The following SYN3 variants were observed in gnomAD, a reference collection of about 807,000 sequenced individuals.
SYN3 encodes synapsin III, also known as synapsin-3.
Under a neutral mutation model 65.8 loss-of-function variants are expected in SYN3, and 35 were observed. The ratio of observed to expected loss-of-function variants is 0.53; its 90% CI spans 0.41 to 0.70. SYN3 has a LOEUF of 0.70. SYN3 is among the 30% of genes least tolerant of loss of function. The pLI is 0.00. For synonymous variants in SYN3, 270 were observed against 292.9 expected, an observed-to-expected ratio of 0.92 and a Z score of 0.80; for missense variants, 680 against 749.0, an observed-to-expected ratio of 0.91 and a Z score of 1.08.
At chr22:32,915,335 G>C (rs1164027054) in intron 4 of SYN3, among the ~76,000 whole-genome samples, 2 of 152,208 alleles carry the variant, frequency 1.3e-5, no homozygotes, top group Non-Finnish European at 2.9e-5. Flanking sequence ...TACTAGGGAT[G>C]GAGTGAATTA....
At chr22:32,543,354 G>A (rs16990667) in intron 7 of SYN3, among the ~76,000 whole-genome samples, 2,425 of 152,252 alleles carry the variant, frequency 0.016, 67 homozygotes, top group African/African-American at 0.055. Context: ...TCTGGACTCC[G>A]AAGGCACAGC....
In SYN3 at chr22:32,965,767, T is replaced by C. The variant is rs1041918407; in HGVS notation, c.369+14878A>G. Among the ~76,000 whole-genome samples, 6 of 152,248 alleles carry C rather than the reference T, an allele frequency of 3.9e-5. No homozygotes were observed. In the South Asian group the frequency reaches 1.2e-3, roughly 32 times the overall value. ...CTGAAGTGAGTGGCACGATCTCGGC[T>C]CACTGCAAGCTCCGCCTCCCGGGTT... On this transcript the variant is annotated intron_variant, in intron 3 of 13. Transcript: ENST00000358763.
chr22:32,991,073 C>G (rs1417838119), intron 2 of SYN3, among the ~76,000 whole-genome samples: 1 of 152,050 alleles, frequency 6.6e-6, no homozygotes, highest in East Asian at 1.9e-4. Context: ...GTCCCAGCTA[C>G]TCAGGAGGCT....
intron 6 of SYN3, among the ~76,000 whole-genome samples, chr22:32,619,544 G>A (rs948127908): frequency 2.6e-5 from 4 of 152,312 alleles, no homozygotes; most frequent in Non-Finnish European, 4.4e-5. Context: ...TACACTATGA[G>A]CCCTTAAATC....
chr22:32,578,361 C>T (rs1320869324), intron 7 of SYN3, among the ~76,000 whole-genome samples: 1 of 152,132 alleles, frequency 6.6e-6, no homozygotes, highest in East Asian at 1.9e-4. Flanking sequence ...ATCCTCCCAC[C>T]TCAGCCTCCC....
chr22:32,591,502 G>A (rs150471001), intron 7 of SYN3, among the ~76,000 whole-genome samples: 2 of 152,284 alleles, frequency 1.3e-5, no homozygotes, highest in Non-Finnish European at 1.5e-5. Flanking sequence ...GAAGTTCTGC[G>A]CTAAAAGCTT....
intron 6 of SYN3, among the ~76,000 whole-genome samples, chr22:32,758,788 T>C (rs890826823): frequency 6.7e-5 from 10 of 149,096 alleles, no homozygotes; most frequent in Middle Eastern, 3.4e-3. Context: ...AATTAGGTTC[T>C]AGGCTCAGAT....
intron 6 of SYN3, among the ~76,000 whole-genome samples, chr22:32,821,077 G>A (rs986404548): frequency 1.3e-5 from 2 of 152,060 alleles, no homozygotes; most frequent in Non-Finnish European, 2.9e-5. Flanking sequence ...ATACCCACCG[G>A]TGCAATCTCC....
intron 7 of SYN3, among the ~76,000 whole-genome samples, chr22:32,546,137 C>T (rs1229616018): frequency 6.6e-6 from 1 of 152,102 alleles, no homozygotes; most frequent in Non-Finnish European, 1.5e-5. Flanking sequence ...CATTGTATGA[C>T]ACCTGGGCAA....
rs377715786 is a variant in SYN3 at position 32,533,820 on chromosome 22, G to C, written c.1068C>G (p.Ser356Arg). Residue 356 changes from serine to arginine, a missense_variant, in exon 10 of 14, where the codon AGC (serine) becomes AGG (arginine). Ser to Arg is a moderately radical substitution (Grantham distance 110, BLOSUM62 -1). Coordinates refer to ENST00000358763, the MANE Select transcript of SYN3 (RefSeq NM_003490.4). ...CGATGATGTAATCTCTGCCATCCTT[G>C]CTGTGGACAGCCTTGACGGCACAGA... ...LDICAVKAVH[S>R]KDGRDYIIEV... is the part of the protein sequence containing the mutation. 5.6e-6 allele frequency: 9 copies of C among 1,613,608 alleles called. No homozygotes were observed. In the African/African-American group the frequency reaches 1.2e-4, roughly 22 times the overall value.
chr22:33,026,071 G>C (rs895126894), intron 1 of SYN3, among the ~76,000 whole-genome samples: 1 of 152,204 alleles, frequency 6.6e-6, no homozygotes, highest in Non-Finnish European at 1.5e-5. Context: ...GAGCCAACTA[G>C]ATGGCTGCAT....
intron 4 of SYN3, among the ~76,000 whole-genome samples, chr22:32,870,893 T>G (rs569011141): frequency 4.0e-4 from 61 of 152,366 alleles, no homozygotes; most frequent in African/African-American, 1.5e-3. Flanking sequence ...GTGAGTTCTG[T>G]GTATTAAGGA....
chr22:33,052,597 A>G (rs565575269), intron 1 of SYN3, among the ~76,000 whole-genome samples: 1 of 149,138 alleles, frequency 6.7e-6, no homozygotes, highest in East Asian at 1.9e-4. Context: ...AAAAAAAAAA[A>G]GAGAGAGAGA....
chr22:32,616,376 G>A (rs1431291724), intron 6 of SYN3, among the ~76,000 whole-genome samples: 1 of 152,178 alleles, frequency 6.6e-6, no homozygotes, highest in Non-Finnish European at 1.5e-5. Flanking sequence ...GGACGGACAT[G>A]TCTCTGGCTG....
intron 3 of SYN3, among the ~76,000 whole-genome samples, chr22:32,957,497 C>G (rs571344345): frequency 3.3e-5 from 5 of 152,100 alleles, no homozygotes; most frequent in African/African-American, 1.2e-4. Flanking sequence ...CATGTGCTGG[C>G]GCCTATTTAA....
chr22:32,667,829 G>C (rs1175124199), intron 6 of SYN3, among the ~76,000 whole-genome samples: 1 of 140,476 alleles, frequency 7.1e-6, no homozygotes, highest in Non-Finnish European at 1.5e-5. Context: ...ACGGAGTGTC[G>C]CTCTGTCGCC....
intron 6 of SYN3, among the ~76,000 whole-genome samples, chr22:32,741,347 ATTTTTTT>A (rs71187210): frequency 1.3e-4 from 13 of 98,690 alleles, no homozygotes; most frequent in African/African-American, 3.8e-4. Flanking sequence ...CTAGAGCCCA[ATTTTTTT>A]TTTTTTTTTT....
At chr22:32,641,036 C>T (rs2059890114) in intron 6 of SYN3, among the ~76,000 whole-genome samples, 2 of 152,202 alleles carry the variant, frequency 1.3e-5, no homozygotes. Context: ...GTCTCTGCCT[C>T]TGCAGCAAAA....
chr22:32,542,804 G>A (rs2058279586), intron 7 of SYN3, among the ~76,000 whole-genome samples: 1 of 151,948 alleles, frequency 6.6e-6, no homozygotes, highest in Non-Finnish European at 1.5e-5. Flanking sequence ...AAGGCCAAGC[G>A]CAGAGGACGA....
Sources: allele counts gnomAD v4.1 joint callset (sites outside exome capture counted in the v4.1 genomes callset), GRCh38; gene constraint gnomAD v4.1.1; transcripts MANE v1.5; gene names NCBI Gene and HGNC (gene_info 2026-07-23, HGNC 2026-07-21).